Variants in ST7 observed in about 807,000 individuals in gnomAD.
ST7 encodes suppression of tumorigenicity 7, also known as suppressor of tumorigenicity 7 protein.
ST7 carries 28 observed loss-of-function variants against 78.7 expected under a neutral mutation model. The observed-to-expected ratio is 0.36, with a 90% CI of 0.26 to 0.49. The LOEUF (loss-of-function observed/expected upper bound fraction) is 0.49. ST7 is among the 20% of genes least tolerant of loss of function. The probability of loss-of-function intolerance (pLI) is 0.99; values close to 1 mark genes in which losing one functional copy is unlikely to be tolerated. For missense variants in ST7, 418 were observed against 696.0 expected (o/e 0.60, Z 4.49); for synonymous variants, 247 against 249.6 (o/e 0.99, Z 0.10).
intron 8 of ST7, 150 bp downstream of exon 8, chr7:117,136,385 T>G (rs1160385635): frequency 1.0e-5 from 9 of 879,584 alleles, no homozygotes; most frequent in Non-Finnish European, 1.6e-5. Context: ...TCTTCTTTCC[T>G]ATAAGTGCAG....
intron 15 of ST7, chr7:117,223,403 C>A (rs1274925074): frequency 1.7e-5 from 3 of 181,136 alleles, no homozygotes; most frequent in Non-Finnish European, 3.5e-5. Flanking sequence ...CCAGGGACTT[C>A]AGGATCAAGT....
At chr7:116,988,361 T>C (rs1794274734) in intron 1 of ST7, among the ~76,000 whole-genome samples, 1 of 152,210 alleles carries the variant, frequency 6.6e-6, no homozygotes, top group Admixed American at 6.5e-5. Flanking sequence ...AAAATGACAC[T>C]GAGGGATATT....
chr7:116,972,213 A>G (rs1258365666), intron 1 of ST7: 3 of 542,448 alleles, frequency 5.5e-6, no homozygotes, highest in Non-Finnish European at 1.1e-5. Context: ...TCTTTTGTGT[A>G]CAGAGGCGCT....
intron 1 of ST7, among the ~76,000 whole-genome samples, chr7:117,069,016 C>T (rs1423764740): frequency 3.9e-5 from 6 of 152,210 alleles, no homozygotes; most frequent in African/African-American, 1.4e-4. Context: ...TGCACTAGCA[C>T]GTGATACTAG....
chr7:117,208,066 C>A (rs1791942022), intron 12 of ST7, among the ~76,000 whole-genome samples: 1 of 151,982 alleles, frequency 6.6e-6, no homozygotes. Context: ...AACATAAAAT[C>A]CACCATAATA....
At chr7:117,085,279 G>A (rs1398485580) in intron 1 of ST7, among the ~76,000 whole-genome samples, 1 of 151,992 alleles carries the variant, frequency 6.6e-6, no homozygotes, top group African/African-American at 2.4e-5. Context: ...TATTTTCTCT[G>A]CAGCTGTTGG....
intron 9 of ST7, among the ~76,000 whole-genome samples, chr7:117,169,071 T>C (rs986926709): frequency 1.3e-5 from 2 of 152,170 alleles, no homozygotes; most frequent in Non-Finnish European, 2.9e-5. Context: ...ATTTTACCTT[T>C]CTTTTTTTGA....
intron 1 of ST7, among the ~76,000 whole-genome samples, chr7:116,994,086 C>T (rs570338490): frequency 1.3e-5 from 2 of 152,284 alleles, no homozygotes; most frequent in Admixed American, 6.5e-5. Flanking sequence ...GTTATGCAGT[C>T]GTCACCACTG....
At chr7:117,133,832 C>G (rs1055547699) in intron 6 of ST7, among the ~76,000 whole-genome samples, 2 of 151,740 alleles carry the variant, frequency 1.3e-5, no homozygotes, top group African/African-American at 4.8e-5. Flanking sequence ...AAAATCTGAC[C>G]TGGGAGAAAT....
At chr7:117,154,474 G>A (rs1451756354) in intron 9 of ST7, among the ~76,000 whole-genome samples, 1 of 152,210 alleles carries the variant, frequency 6.6e-6, no homozygotes. Context: ...TCTGGATGCA[G>A]GTGGGGCCTG....
intron 3 of ST7, among the ~76,000 whole-genome samples, chr7:117,123,589 C>T (rs1803584034): frequency 6.6e-6 from 1 of 152,148 alleles, no homozygotes. Flanking sequence ...GTTTTCCTCT[C>T]AGATATGCAG....
intron 1 of ST7, among the ~76,000 whole-genome samples, chr7:117,004,675 A>C (rs974371843): frequency 7.9e-5 from 12 of 152,214 alleles, no homozygotes; most frequent in African/African-American, 2.2e-4. Flanking sequence ...TAAATAAATA[A>C]ATACATACAT....
At chr7:117,016,205 C>T (rs1795607066) in intron 1 of ST7, among the ~76,000 whole-genome samples, 1 of 152,052 alleles carries the variant, frequency 6.6e-6, no homozygotes, top group Admixed American at 6.6e-5. Context: ...CTTGTGTGTG[C>T]ATTTTGATTT....
At chr7:117,177,997 TTTTG>T (rs1227611683) in intron 10 of ST7, among the ~76,000 whole-genome samples, 5 of 152,158 alleles carry the variant, frequency 3.3e-5, no homozygotes, top group Non-Finnish European at 5.9e-5. Flanking sequence ...TCTTTTCCAT[TTTTG>T]TTTGTTTGTT....
chr7:117,198,364 G>A (rs1429414339), intron 12 of ST7: 2 of 455,928 alleles, frequency 4.4e-6, no homozygotes, highest in East Asian at 1.4e-4. Flanking sequence ...ATTAACAGGT[G>A]CTTCTTGGGC....
At chr7:117,076,663 C>T (rs139834583) in intron 1 of ST7, 1,794 of 152,528 alleles carry the variant, frequency 0.012, 19 homozygotes, top group Middle Eastern at 0.037. Context: ...TGAGTGGGTA[C>T]AGGAGCTGGA....
intron 1 of ST7, among the ~76,000 whole-genome samples, chr7:116,983,125 TGAC>T (rs1470361640): frequency 6.6e-6 from 1 of 152,184 alleles, no homozygotes; most frequent in East Asian, 1.9e-4. Flanking sequence ...CTTGAACTCT[TGAC>T]CTCAGGTGAT....
intron 9 of ST7, among the ~76,000 whole-genome samples, chr7:117,160,512 T>A (rs548077165): frequency 6.6e-6 from 1 of 151,034 alleles, no homozygotes; most frequent in Non-Finnish European, 1.5e-5. Context: ...ACTTCTATAA[T>A]GTGCCCTCTC....
intron 1 of ST7, among the ~76,000 whole-genome samples, chr7:117,092,898 C>G (rs372326974): frequency 6.6e-6 from 1 of 152,158 alleles, no homozygotes; most frequent in Admixed American, 6.5e-5. Flanking sequence ...TCATCCCTTG[C>G]AATGAAAACA....
Sources: allele counts gnomAD v4.1 joint callset (sites outside exome capture counted in the v4.1 genomes callset), GRCh38; gene constraint gnomAD v4.1.1; transcripts MANE v1.5; gene names NCBI Gene and HGNC (gene_info 2026-07-23, HGNC 2026-07-21).